Variants in PLCH1 observed in about 807,000 individuals in gnomAD.
PLCH1 encodes 1-phosphatidylinositol 4,5-bisphosphate phosphodiesterase eta-1.
A neutral mutation model predicts 126.7 loss-of-function variants in PLCH1; 60 were observed. The ratio of observed to expected loss-of-function variants is 0.47; its 90% CI spans 0.38 to 0.59. The LOEUF (loss-of-function observed/expected upper bound fraction) is 0.59. PLCH1 is among the 20% of genes least tolerant of loss of function. The pLI is 0.00. For synonymous variants in PLCH1, 719 were observed against 734.9 expected, an observed-to-expected ratio of 0.98 and a Z score of 0.35; for missense variants, 1,723 against 2,040.0, an observed-to-expected ratio of 0.84 and a Z score of 2.99.
chr3:155,504,641 G>C lies in PLCH1; in HGVS notation c.1633-15C>G. The C allele has an allele frequency of 1.3e-6, 2 of 1,526,012 alleles. No homozygotes were observed. The highest frequency in any genetic ancestry group is 1.4e-5 in the African/African-American group (1 of 73,342). The allele number at this position is 1,526,012 out of a possible 1,614,324, so 94.5% of individuals were successfully genotyped here. A position where few individuals can be genotyped will look rare whatever the true frequency, so the allele number is the denominator to read the frequency against. ...ACATCTGGACTCTGAATAAATAAAG[G>C]CATAATATAACTATTTATCTTCTTT... is the stretch of plus-strand genomic sequence containing the variant. On this transcript the variant is annotated splice_polypyrimidine_tract_variant and intron_variant, in intron 12 of 22. Transcript: ENST00000460012.
At chr3:155,515,800 A>AC (rs200628502) in intron 11 of PLCH1, among the ~76,000 whole-genome samples, 1 of 120,324 alleles carries the variant, frequency 8.3e-6, no homozygotes, top group Non-Finnish European at 1.6e-5. Context: ...CTAAAGACCA[A>AC]CCCCCCAAAG....
intron 2 of PLCH1, among the ~76,000 whole-genome samples, chr3:155,638,505 CA>C (rs991678308): frequency 6.6e-6 from 1 of 152,218 alleles, no homozygotes; most frequent in Non-Finnish European, 1.5e-5. Context: ...ACTTTGCCAA[CA>C]AAGCTCATCC....
chr3:155,607,587 C>G (rs1215066732), intron 2 of PLCH1, among the ~76,000 whole-genome samples: 1 of 151,962 alleles, frequency 6.6e-6, no homozygotes, highest in African/African-American at 2.4e-5. Context: ...AGTAGAGGTG[C>G]ATGCCACCAC....
chr3:155,585,944 TAAAAC>T, intron 5 of PLCH1, 116 bp downstream of exon 5: 1 of 661,480 alleles, frequency 1.5e-6, no homozygotes. Context: ...CAAAGAAAAA[TAAAAC>T]AGTACAGAGC....
chr3:155,670,843 C>T (rs192665156), intron 2 of PLCH1, among the ~76,000 whole-genome samples: 1 of 152,322 alleles, frequency 6.6e-6, no homozygotes, highest in East Asian at 1.9e-4. Flanking sequence ...CCCACTGCTT[C>T]CCTGTGCCAA....
At chr3:155,516,450 A>G (rs1482658341) in intron 11 of PLCH1, among the ~76,000 whole-genome samples, 1 of 150,424 alleles carries the variant, frequency 6.6e-6, no homozygotes, top group Non-Finnish European at 1.5e-5. Flanking sequence ...CTGTAAATGC[A>G]AAGAACACAT....
chr3:155,602,693 A>T (rs1385980938), intron 2 of PLCH1, among the ~76,000 whole-genome samples: 1 of 152,216 alleles, frequency 6.6e-6, no homozygotes, highest in African/African-American at 2.4e-5. Context: ...GTGTATCTAA[A>T]CACAGAAAAG....
At chr3:155,682,084 T>C (rs1744584140) in intron 2 of PLCH1, among the ~76,000 whole-genome samples, 1 of 152,228 alleles carries the variant, frequency 6.6e-6, no homozygotes, top group South Asian at 2.1e-4. Flanking sequence ...AAAAATGAAC[T>C]AACTGAAGGG....
At chr3:155,548,377 T>C (rs1312459530) in intron 10 of PLCH1, among the ~76,000 whole-genome samples, 1 of 152,210 alleles carries the variant, frequency 6.6e-6, no homozygotes, top group Non-Finnish European at 1.5e-5. Context: ...TACTTGCAGT[T>C]CACATTGTTG....
At chr3:155,614,235 C>T (rs530572366) in intron 2 of PLCH1, among the ~76,000 whole-genome samples, 1 of 152,122 alleles carries the variant, frequency 6.6e-6, no homozygotes, top group South Asian at 2.1e-4. Flanking sequence ...AAGCAATCTA[C>T]AAGTTCAACG....
At chr3:155,459,720 A>G (rs1035603612) in intron 21 of PLCH1, among the ~76,000 whole-genome samples, 3 of 152,190 alleles carry the variant, frequency 2.0e-5, no homozygotes, top group African/African-American at 7.2e-5. Context: ...TGACTCTAAT[A>G]GCAATGGGGA....
intron 21 of PLCH1, among the ~76,000 whole-genome samples, chr3:155,470,738 C>G (rs1258041249): frequency 1.3e-5 from 2 of 151,884 alleles, no homozygotes; most frequent in Non-Finnish European, 2.9e-5. Context: ...TCGGCAGAAA[C>G]CCTACAAGCC....
At chr3:155,724,649 G>C (rs62284699) in intron 1 of PLCH1, among the ~76,000 whole-genome samples, 1 of 152,106 alleles carries the variant, frequency 6.6e-6, no homozygotes, top group East Asian at 1.9e-4. Flanking sequence ...TGTTAGGTGA[G>C]TCTCTTGAAG....
chr3:155,612,322 T>C (rs1188686681), intron 2 of PLCH1, among the ~76,000 whole-genome samples: 2 of 141,306 alleles, frequency 1.4e-5, no homozygotes, highest in African/African-American at 5.2e-5. Flanking sequence ...AGAGTGAAAC[T>C]CTGTCTCAAA....
chr3:155,642,936 G>C (rs577840267), intron 2 of PLCH1, among the ~76,000 whole-genome samples: 121 of 151,922 alleles, frequency 8.0e-4, no homozygotes, highest in Non-Finnish European at 1.6e-3. Context: ...CTTGTTTTTT[G>C]GTTGGTTTTT....
chr3:155,704,226 G>A lies in PLCH1; in HGVS notation c.-2C>T. 8.2e-7 allele frequency: 1 copy of A among 1,221,238 alleles called. No homozygotes were observed. Among genetic ancestry groups the A allele is most frequent in the African/African-American group, 1.6e-5 (1 of 64,302 alleles). The allele number at this position is 1,221,238 out of a possible 1,614,324, so 75.7% of individuals were successfully genotyped here. On this transcript the variant is annotated 5_prime_UTR_variant, in exon 2 of 23. Transcript: ENST00000460012. ...TTTTTCCAAGTTCCAGTAACTCATT[G>A]TCAGAAGATTTCTGGCACAGCATCA...
intron 10 of PLCH1, among the ~76,000 whole-genome samples, chr3:155,543,221 T>A (rs1406901196): frequency 6.6e-6 from 1 of 151,942 alleles, no homozygotes; most frequent in East Asian, 1.9e-4. Context: ...AAGCCAAGGC[T>A]CAAGAACTAC....
At chr3:155,452,385 TG>T (rs1478466873) in intron 21 of PLCH1, among the ~76,000 whole-genome samples, 1 of 152,104 alleles carries the variant, frequency 6.6e-6, no homozygotes, top group Non-Finnish European at 1.5e-5. Context: ...AGGTGAGATT[TG>T]GGTGGGGACA....
chr3:155,584,985 T>C (rs1731170351), intron 5 of PLCH1, among the ~76,000 whole-genome samples: 1 of 152,136 alleles, frequency 6.6e-6, no homozygotes, highest in Non-Finnish European at 1.5e-5. Context: ...ACCAGAAACA[T>C]GGCAAACCTT....
Sources: allele counts gnomAD v4.1 joint callset (sites outside exome capture counted in the v4.1 genomes callset), GRCh38; gene constraint gnomAD v4.1.1; transcripts MANE v1.5; gene names NCBI Gene and HGNC (gene_info 2026-07-23, HGNC 2026-07-21).